The following MEIOB variants were observed in gnomAD, a reference collection of about 807,000 sequenced individuals.
The protein encoded by MEIOB is meiosis-specific with OB domain-containing protein.
MEIOB carries 50 observed loss-of-function variants against 53.1 expected under a neutral mutation model. The observed-to-expected ratio is 0.94, with a 90% CI of 0.75 to 1.19. The LOEUF is 1.19. Ranked by LOEUF, MEIOB falls within the 50% of genes most tolerant of loss-of-function variation. The pLI is 0.00. For synonymous variants in MEIOB, 192 were observed against 182.5 expected, an observed-to-expected ratio of 1.05 and a Z score of -0.42; for missense variants, 551 against 550.8, an observed-to-expected ratio of 1.00 and a Z score of 0.00.
chr16:1,866,726 A>G (rs1432984997), intron 2 of MEIOB, among the ~76,000 whole-genome samples: 1 of 7,058 alleles, frequency 1.4e-4, no homozygotes, highest in Admixed American at 2.0e-3. Context: ...ATCGCAAAAA[A>G]TAAAAATAAA....
chr16:1,870,547 C>G (rs1233160778), intron 1 of MEIOB, among the ~76,000 whole-genome samples: 1 of 152,194 alleles, frequency 6.6e-6, no homozygotes. Flanking sequence ...CATTACTAAA[C>G]ATTAATTTCC....
Position 1,860,396 on chromosome 16 carries a change from T to A in MEIOB, c.332+7A>T. 1.4e-6 allele frequency: 2 copies of A among 1,478,746 alleles called. No individual in the cohort carries two copies. The highest frequency in any genetic ancestry group is 1.8e-6 in the Non-Finnish European group (2 of 1,081,238). The allele number at this position is 1,478,746 out of a possible 1,614,324, so 91.6% of individuals were successfully genotyped here. A position where few individuals can be genotyped will look rare whatever the true frequency, so the allele number is the denominator to read the frequency against. On this transcript the variant is annotated splice_region_variant and intron_variant, in intron 5 of 13. Transcript: ENST00000325962. ...TCGCACAATCTCTGTGCTAGACAGA[T>A]GCTTACCTAGGAGTTGCAGGGCTGA...
At chr16:1,847,678 T>C (rs1899061542) in intron 9 of MEIOB, among the ~76,000 whole-genome samples, 1 of 151,872 alleles carries the variant, frequency 6.6e-6, no homozygotes, top group Non-Finnish European at 1.5e-5. Flanking sequence ...TGTGATTACT[T>C]TAATATGACC....
intron 9 of MEIOB, among the ~76,000 whole-genome samples, chr16:1,850,108 C>A (rs949266918): frequency 6.6e-6 from 1 of 152,090 alleles, no homozygotes; most frequent in Non-Finnish European, 1.5e-5. Flanking sequence ...GTCATCAGAG[C>A]CAAATGCACA....
chr16:1,838,925 C>T (rs888000982), intron 12 of MEIOB, among the ~76,000 whole-genome samples: 3 of 152,186 alleles, frequency 2.0e-5, no homozygotes, highest in African/African-American at 7.2e-5. Context: ...CTCCTGACCT[C>T]AAGTGATCCG....
chr16:1,842,622 T>TAAAAAAAAAAAAAAAAAA (rs1567273734), intron 10 of MEIOB, among the ~76,000 whole-genome samples: 1 of 52,874 alleles, frequency 1.9e-5, no homozygotes, highest in African/African-American at 9.5e-5. Flanking sequence ...AAACTCCATC[T>TAAAAAAAAAAAAAAAAAA]CAAAAAGACA....
At chr16:1,847,192 T>A (rs1455079074) in intron 9 of MEIOB, among the ~76,000 whole-genome samples, 1 of 151,082 alleles carries the variant, frequency 6.6e-6, no homozygotes, top group East Asian at 2.0e-4. Flanking sequence ...CCGGGCGCTG[T>A]GGCTCACGCC....
In MEIOB at chr16:1,866,332, T is replaced by C. The variant is rs532995157; in HGVS notation, c.70-497A>G. Among the ~76,000 whole-genome samples the C allele has an allele frequency of 3.3e-5, 5 of 152,352 alleles. No individual in the cohort carries two copies. In the South Asian group the frequency reaches 1.0e-3, roughly 32 times the overall value. On this transcript the variant is annotated intron_variant, in intron 2 of 13. Transcript: ENST00000325962. ...CTGCTAATAAATCTAAATTCTAAAG[T>C]CCTAGATCTTAAAACTTAGAGATAT...
chr16:1,868,106 C>T lies in MEIOB; in HGVS notation c.69+1G>A. 3 of 1,487,876 alleles carry T rather than the reference C, an allele frequency of 2.0e-6. No individual in the cohort carries two copies. The highest frequency in any genetic ancestry group is 2.5e-5 in the South Asian group (2 of 80,068). 92.2% of individuals were successfully genotyped at this position (1,487,876 alleles called of 1,614,324 possible). ...CAAATCACCACATTATTGAAACCTA[C>T]CAGATTAGCCATATTTGTCTGCAGA... On this transcript the variant is annotated splice_donor_variant, in intron 2 of 13. Transcript: ENST00000325962. LOFTEE classifies it high-confidence loss of function.
At chr16:1,838,050 G>A (rs1332493850) in intron 12 of MEIOB, 180 bp from the exon 13 acceptor site, 15 of 1,202,106 alleles carry the variant, frequency 1.2e-5, no homozygotes, top group Middle Eastern at 3.9e-4. Context: ...AAGCTGGAGT[G>A]CAGCAGTGCT....
At chr16:1,866,756 A>G (rs1260943351) in intron 2 of MEIOB, among the ~76,000 whole-genome samples, 1 of 151,494 alleles carries the variant, frequency 6.6e-6, no homozygotes, top group African/African-American at 2.4e-5. Flanking sequence ...ATAAAAAATA[A>G]AAATGAATAC....
At chr16:1,855,197 G>A (rs1214965022) in intron 6 of MEIOB, among the ~76,000 whole-genome samples, 1 of 152,202 alleles carries the variant, frequency 6.6e-6, no homozygotes, top group Non-Finnish European at 1.5e-5. Context: ...ACTTTGGGAG[G>A]CCGAGGTGGG....
At chr16:1,863,915 C>G (rs1435032170) in intron 3 of MEIOB, among the ~76,000 whole-genome samples, 3 of 152,174 alleles carry the variant, frequency 2.0e-5, no homozygotes, top group African/African-American at 7.2e-5. Flanking sequence ...ATCCCGGCAC[C>G]TTGGGAGGCC....
rs1898918714 is a variant in MEIOB at position 1,841,822 on chromosome 16, T to A, written c.1032A>T (p.Arg344Ser). 1.9e-6 allele frequency: 3 copies of A among 1,566,360 alleles called. No homozygotes were observed. The highest frequency in any genetic ancestry group is 2.5e-5 in the South Asian group (2 of 81,470). The change falls in exon 11 of 14, where the codon AGA becomes AGT. Residue 344 changes from arginine to serine, a missense_variant and splice_region_variant. Arg to Ser is a moderately radical substitution (Grantham distance 110). Transcript: ENST00000325962. ...CTAAAAGTGACACGGATCCTTACCA[T>A]CTATTTCGAACTACTTTTGTAGTTT... ...DDETTKVVRN[R>S]CSSCGYIVNE...
chr16:1,860,612 CCAT>C, intron 4 of MEIOB, 137 bp from the exon 5 acceptor site: 1 of 599,768 alleles, frequency 1.7e-6, no homozygotes, highest in Non-Finnish European at 2.9e-6. Flanking sequence ...TTCATCTTCT[CCAT>C]CATCAACATA....
chr16:1,859,807 CCGCCT>C, intron 5 of MEIOB, among the ~76,000 whole-genome samples: 1 of 152,206 alleles, frequency 6.6e-6, no homozygotes, highest in East Asian at 1.9e-4. Context: ...ACTGCCAGAC[CCGCCT>C]TTGAGCTGAT....
intron 3 of MEIOB, among the ~76,000 whole-genome samples, chr16:1,864,635 C>T (rs561902488): frequency 6.6e-6 from 1 of 151,930 alleles, no homozygotes; most frequent in African/African-American, 2.4e-5. Context: ...AATACAAGCG[C>T]CTGCCACCAT....
At chr16:1,837,356 C>G (rs1442274191) in intron 13 of MEIOB, among the ~76,000 whole-genome samples, 1 of 152,054 alleles carries the variant, frequency 6.6e-6, no homozygotes, top group Non-Finnish European at 1.5e-5. Flanking sequence ...GGGGTGGGGA[C>G]AACCTAGTCT....
At chr16:1,848,321 G>A (rs1222377487) in intron 9 of MEIOB, among the ~76,000 whole-genome samples, 1 of 152,046 alleles carries the variant, frequency 6.6e-6, no homozygotes, top group Non-Finnish European at 1.5e-5. Flanking sequence ...ATTATTTCAT[G>A]CTAAATTCCA....
Sources: gnomAD v4.1 joint callset for allele counts (sites outside exome capture counted in the v4.1 genomes callset) on GRCh38, gnomAD v4.1.1 for gene constraint, MANE v1.5 for transcripts, NCBI Gene and HGNC (gene_info 2026-07-23, HGNC 2026-07-21) for gene names.